The following RBFOX1 variants were observed in gnomAD, a reference collection of about 807,000 sequenced individuals.
RBFOX1 encodes RNA binding fox-1 homolog 1.
RBFOX1 carries 8 observed loss-of-function variants against 57.7 expected under a neutral mutation model. The ratio of observed to expected loss-of-function variants is 0.14; its 90% CI spans 0.08 to 0.25. RBFOX1 has a LOEUF of 0.25. Among genes scored for constraint, RBFOX1 ranks in the 10% least tolerant of loss-of-function variants. The pLI is 1.00. For synonymous variants in RBFOX1, 326 were observed against 222.4 expected (o/e 1.47, Z -4.15); for missense variants, 611 against 548.5 (o/e 1.11, Z -1.14).
intron 2 of RBFOX1, among the ~76,000 whole-genome samples, chr16:6,601,570 T>A (rs1375402438): frequency 6.6e-6 from 1 of 152,112 alleles, no homozygotes; most frequent in Non-Finnish European, 1.5e-5. Flanking sequence ...TTAGCTCTGG[T>A]TAAAGGCTGT....
At chr16:5,602,972 G>A (rs1007292476), downstream of RBFOX1, among the ~76,000 whole-genome samples, 2 of 152,122 alleles carry the variant, frequency 1.3e-5, no homozygotes, top group South Asian at 2.1e-4. Flanking sequence ...TCCTCTAGAG[G>A]AGTGAAAATG....
intron 4 of RBFOX1, among the ~76,000 whole-genome samples, chr16:7,377,104 T>C (rs1159918890): frequency 6.6e-6 from 1 of 152,244 alleles, no homozygotes; most frequent in Non-Finnish European, 1.5e-5. Context: ...CATGATATCT[T>C]ACATGAAGGT....
intron 4 of RBFOX1, among the ~76,000 whole-genome samples, chr16:7,147,211 G>T (rs927041191): frequency 4.7e-5 from 7 of 149,876 alleles, no homozygotes; most frequent in Non-Finnish European, 1.0e-4. Context: ...CACCATGTTG[G>T]CCAGGCTGGT....
At chr16:7,068,694 T>G (rs1263205410) in intron 4 of RBFOX1, among the ~76,000 whole-genome samples, 3 of 152,150 alleles carry the variant, frequency 2.0e-5, no homozygotes, top group Admixed American at 6.5e-5. Flanking sequence ...TTCAGGAGAT[T>G]CTCCTGTCTC....
intron 1 of RBFOX1, among the ~76,000 whole-genome samples, chr16:6,134,942 C>G (rs533803964): frequency 6.6e-6 from 1 of 151,986 alleles, no homozygotes; most frequent in East Asian, 1.9e-4. Flanking sequence ...TGTGCTGCAC[C>G]CATTAACTCA....
chr16:6,131,311 T>A (rs537967563), intron 1 of RBFOX1, among the ~76,000 whole-genome samples: 1 of 152,378 alleles, frequency 6.6e-6, no homozygotes, highest in East Asian at 1.9e-4. Flanking sequence ...AAACAAAATG[T>A]TATTGGTACT....
At chr16:7,667,732 G>T (rs1187625233) in intron 13 of RBFOX1, among the ~76,000 whole-genome samples, 1 of 152,102 alleles carries the variant, frequency 6.6e-6, no homozygotes, top group Non-Finnish European at 1.5e-5. Flanking sequence ...CCAGGCTGGA[G>T]TGCGGTGCAA....
At chr16:6,207,844 C>A (rs527484191) in intron 1 of RBFOX1, among the ~76,000 whole-genome samples, 19 of 152,108 alleles carry the variant, frequency 1.2e-4, no homozygotes, top group Non-Finnish European at 2.4e-4. Context: ...TATGGCACCA[C>A]ATCCAGCTAA....
intron 4 of RBFOX1, among the ~76,000 whole-genome samples, chr16:7,379,843 C>G (rs1284266315): frequency 6.6e-6 from 1 of 151,780 alleles, no homozygotes; most frequent in Non-Finnish European, 1.5e-5. Flanking sequence ...TCCCTTCCTT[C>G]CTCTTTTCTC....
chr16:6,113,361 C>T (rs979144462), intron 1 of RBFOX1, among the ~76,000 whole-genome samples: 3 of 152,136 alleles, frequency 2.0e-5, no homozygotes, highest in Non-Finnish European at 4.4e-5. Flanking sequence ...ACATAGCCAC[C>T]ATTAGGCTAT....
chr16:7,680,918 T>A (rs1385643632), intron 14 of RBFOX1, among the ~76,000 whole-genome samples: 3 of 151,988 alleles, frequency 2.0e-5, no homozygotes. Flanking sequence ...ACACACACAC[T>A]CACTTGTGCC....
At chr16:6,320,620 G>C (rs907319895) in intron 2 of RBFOX1, among the ~76,000 whole-genome samples, 2 of 151,934 alleles carry the variant, frequency 1.3e-5, no homozygotes, top group African/African-American at 4.8e-5. Context: ...ACCTTACATA[G>C]TTAACCCTGC....
chr16:6,826,852 A>G (rs183632520), intron 3 of RBFOX1, among the ~76,000 whole-genome samples: 2 of 152,300 alleles, frequency 1.3e-5, no homozygotes, highest in Admixed American at 6.5e-5. Context: ...GAAATCCTCA[A>G]ACGCAGTTGG....
chr16:6,242,599 G>A (rs117302556), intron 1 of RBFOX1, among the ~76,000 whole-genome samples: 2,080 of 143,900 alleles, frequency 0.014, 20 homozygotes, highest in South Asian at 0.021. Context: ...AGGCATTTAC[G>A]TTCAGTTTGA....
chr16:7,179,335 C>T (rs143984717), intron 4 of RBFOX1, among the ~76,000 whole-genome samples: 1 of 151,964 alleles, frequency 6.6e-6, no homozygotes, highest in Admixed American at 6.6e-5. Flanking sequence ...GCACCGCTTT[C>T]CCCTTACCCC....
At chr16:7,518,983 A>T (rs1452271210) in intron 5 of RBFOX1, among the ~76,000 whole-genome samples, 1 of 152,214 alleles carries the variant, frequency 6.6e-6, no homozygotes, top group Non-Finnish European at 1.5e-5. Context: ...AGATTGCTCC[A>T]CTGAACTCCA....
At chr16:7,606,164 T>G (rs927557434) in intron 9 of RBFOX1, among the ~76,000 whole-genome samples, 1 of 140,942 alleles carries the variant, frequency 7.1e-6, no homozygotes, top group African/African-American at 2.6e-5. Flanking sequence ...CACTGTCACC[T>G]GGGCTGGAGT....
At chr16:7,115,412 T>C (rs1038104) in intron 4 of RBFOX1, among the ~76,000 whole-genome samples, 22,637 of 152,216 alleles carry the variant, frequency 0.15, 3,206 homozygotes, top group African/African-American at 0.36. Context: ...TCTTTTGCCT[T>C]AGTTACCTAT....
chr16:7,207,266 A>G (rs1397675522), intron 4 of RBFOX1, among the ~76,000 whole-genome samples: 1 of 152,276 alleles, frequency 6.6e-6, no homozygotes, highest in Non-Finnish European at 1.5e-5. Context: ...TCCTCTGGTC[A>G]CGTTCCGGCC....
Sources: allele counts gnomAD v4.1 joint callset (sites outside exome capture counted in the v4.1 genomes callset), GRCh38; gene constraint gnomAD v4.1.1; transcripts MANE v1.5; gene names NCBI Gene and HGNC (gene_info 2026-07-23, HGNC 2026-07-21).